Variants in MEGF10 observed in about 807,000 individuals in gnomAD.
MEGF10 encodes multiple epidermal growth factor-like domains protein 10.
In MEGF10, 86 loss-of-function variants were observed where a neutral mutation model predicts 147.5. The observed-to-expected ratio is 0.58, with a 90% CI of 0.49 to 0.70. MEGF10 has a LOEUF of 0.70. Ranked by LOEUF, MEGF10 falls within the 30% of genes least tolerant of loss-of-function variation. The pLI, the probability that MEGF10 is intolerant of heterozygous loss-of-function variation, is 0.00. For synonymous variants in MEGF10, 478 were observed against 525.5 expected, an observed-to-expected ratio of 0.91 and a Z score of 1.24; for missense variants, 1,329 against 1,487.3, an observed-to-expected ratio of 0.89 and a Z score of 1.75.
At chr5:127,269,822 G>A in the MEGF10 span, among the ~76,000 whole-genome samples, 2 of 152,164 alleles carry the variant, frequency 1.3e-5, no homozygotes, top group East Asian at 3.8e-4. Context: ...AATGTTAAGG[G>A]CAGCCAGAGA....
At chr5:127,267,185 G>A in the MEGF10 span, among the ~76,000 whole-genome samples, 1 of 152,108 alleles carries the variant, frequency 6.6e-6, no homozygotes, top group Non-Finnish European at 1.5e-5. Flanking sequence ...ATAATCATGT[G>A]GTTTTTGTCT....
intron 4 of MEGF10, among the ~76,000 whole-genome samples, chr5:127,360,799 C>CTA (rs1338259757): frequency 6.7e-6 from 1 of 150,274 alleles, no homozygotes; most frequent in African/African-American, 2.5e-5. Context: ...TATGAAGGAA[C>CTA]TATATATATA....
Position 127,457,152 on chromosome 5 carries a change from G to A in MEGF10, c.3257G>A (p.Gly1086Glu). 1 of 1,613,698 alleles carries A rather than the reference G, an allele frequency of 6.2e-7. No homozygotes were observed. The highest frequency in any genetic ancestry group is 8.5e-7 in the Non-Finnish European group (1 of 1,179,824). ...GAACCTACAGTGAGTGTTGTCCAAG[G>A]AGTATTCAGCAATAATGGGCGTCTC... ...EVEPTVSVVQ[G>E]VFSNNGRLSQ... The change falls in exon 25 of 25, where the codon GGA (glycine) becomes GAA (glutamate). Residue 1086 changes from glycine (G) to glutamate (E), a missense_variant. By Grantham distance (98) the Gly-to-Glu change is moderately conservative. Around this residue, in one of 3 missense-constraint regions of MEGF10, gnomAD observed 343 missense variants for 377.9 expected, o/e 0.91. Transcript: ENST00000503335.
chr5:127,403,735 A>G (rs60153933), intron 8 of MEGF10, among the ~76,000 whole-genome samples: 35,152 of 151,992 alleles, frequency 0.23, 4,614 homozygotes, highest in African/African-American at 0.37. Context: ...TAACATAATG[A>G]TCTCCAGTTC....
intron 1 of MEGF10, among the ~76,000 whole-genome samples, chr5:127,326,878 A>G (rs1352096214): frequency 6.6e-6 from 1 of 152,240 alleles, no homozygotes; most frequent in Non-Finnish European, 1.5e-5. Flanking sequence ...AATTGATTCT[A>G]GGAAGAAAAT....
At chr5:127,384,322 A>G (rs1408692653) in intron 5 of MEGF10, among the ~76,000 whole-genome samples, 1 of 152,246 alleles carries the variant, frequency 6.6e-6, no homozygotes, top group Non-Finnish European at 1.5e-5. Context: ...TTAATGAAAG[A>G]ATAAATGATC....
At chr5:127,318,131 G>A (rs1193305587) in intron 1 of MEGF10, among the ~76,000 whole-genome samples, 2 of 152,130 alleles carry the variant, frequency 1.3e-5, no homozygotes, top group Admixed American at 6.5e-5. Flanking sequence ...GCTGCCTTGC[G>A]CCTTGCACCA....
chr5:127,311,763 G>A (rs970589218), intron 1 of MEGF10, among the ~76,000 whole-genome samples: 1 of 152,204 alleles, frequency 6.6e-6, no homozygotes, highest in Non-Finnish European at 1.5e-5. Flanking sequence ...TAGGCTTGAA[G>A]AAGTCGGAGA....
chr5:127,271,937 T>A, the MEGF10 span, among the ~76,000 whole-genome samples: 2 of 152,344 alleles, frequency 1.3e-5, no homozygotes, highest in South Asian at 4.1e-4. Flanking sequence ...TTTAATTAGA[T>A]CCCATTGGTC....
intron 10 of MEGF10, among the ~76,000 whole-genome samples, chr5:127,418,818 G>A (rs1460959361): frequency 6.6e-6 from 1 of 151,468 alleles, no homozygotes; most frequent in Non-Finnish European, 1.5e-5. Flanking sequence ...ACTTGTCTGA[G>A]CAATGAAAAA....
chr5:127,238,954 C>G, the MEGF10 span, among the ~76,000 whole-genome samples: 1 of 151,912 alleles, frequency 6.6e-6, no homozygotes, highest in Admixed American at 6.6e-5. Context: ...AATGGTACAA[C>G]TGACATCATG....
At chr5:127,255,574 C>G in the MEGF10 span, among the ~76,000 whole-genome samples, 1 of 152,124 alleles carries the variant, frequency 6.6e-6, no homozygotes, top group Non-Finnish European at 1.5e-5. Flanking sequence ...TTTAGCCATG[C>G]TACATTTCTC....
chr5:127,265,086 G>A, the MEGF10 span, among the ~76,000 whole-genome samples: 1 of 152,088 alleles, frequency 6.6e-6, no homozygotes. Context: ...CACCACAACA[G>A]GCCCCAGTGT....
At chr5:127,321,306 T>G (rs246888) in intron 1 of MEGF10, among the ~76,000 whole-genome samples, 82,830 of 151,998 alleles carry the variant, frequency 0.54, 22,832 homozygotes, top group Middle Eastern at 0.74. Flanking sequence ...CAAGAGCTCT[T>G]TGGATTCTGG....
the MEGF10 span, among the ~76,000 whole-genome samples, chr5:127,268,557 G>C: frequency 0.034 from 5,113 of 152,264 alleles, 221 homozygotes; most frequent in African/African-American, 0.11. Context: ...GCCCACCGTT[G>C]GTGAGGCTGG....
chr5:127,247,457 A>G, the MEGF10 span, among the ~76,000 whole-genome samples: 18 of 138,268 alleles, frequency 1.3e-4, 1 homozygote, highest in East Asian at 2.1e-4. Context: ...AAGAAGAAGA[A>G]GAAGAAGAAG....
intron 4 of MEGF10, among the ~76,000 whole-genome samples, chr5:127,350,775 T>C (rs1411701954): frequency 1.3e-5 from 2 of 152,190 alleles, no homozygotes; most frequent in Non-Finnish European, 2.9e-5. Context: ...TTTTTTTCAT[T>C]GATTTTTAAA....
At chr5:127,411,699 C>G (rs1764571639) in intron 9 of MEGF10, among the ~76,000 whole-genome samples, 1 of 152,146 alleles carries the variant, frequency 6.6e-6, no homozygotes, top group South Asian at 2.1e-4. Context: ...TATTGCCTTT[C>G]TTTACTTGAC....
Position 127,419,196 on chromosome 5 carries a change from A to G in MEGF10, c.1382A>G (p.Asp461Gly). 6.2e-7 allele frequency: 1 copy of G among 1,614,194 alleles called. No individual in the cohort carries two copies. The highest frequency in any genetic ancestry group is 8.5e-7 in the Non-Finnish European group (1 of 1,180,032). ...NCSSRCGCKN[D>G]AVCSPVDGSC... The stretch of plus-strand genomic sequence containing the variant: ...TCCTCTCGCTGTGGCTGTAAAAATG[A>G]TGCAGTCTGCTCTCCTGTGGACGGG... The change falls in exon 11 of 25, where the codon GAT becomes GGT. Residue 461 changes from aspartate to glycine, a missense_variant. Asp to Gly is a moderately conservative substitution (Grantham distance 94). This residue lies in a region of MEGF10 where 980 missense variants were observed against 1,085.9 expected (regional missense o/e 0.90). Transcript: ENST00000503335.
Sources: gnomAD v4.1 joint callset for allele counts (sites outside exome capture counted in the v4.1 genomes callset) on GRCh38, gnomAD v4.1.1 for gene constraint, gnomAD v4.1.1 regional missense constraint, MANE v1.5 for transcripts, NCBI Gene and HGNC (gene_info 2026-07-23, HGNC 2026-07-21) for gene names.